Variants in FOXK2 observed in about 807,000 individuals in gnomAD.
FOXK2 encodes the protein forkhead box K2.
In FOXK2, 24 loss-of-function variants were observed where a neutral mutation model predicts 53.3. The ratio of observed to expected loss-of-function variants is 0.45; its 90% CI spans 0.33 to 0.63. FOXK2 has a LOEUF of 0.63. FOXK2 is among the 30% of genes least tolerant of loss of function. The probability of loss-of-function intolerance (pLI) is 0.03; values close to 1 mark genes in which losing one functional copy is unlikely to be tolerated. For missense variants in FOXK2, 952 were observed against 910.5 expected, an observed-to-expected ratio of 1.05 and a Z score of -0.59; for synonymous variants, 505 against 407.1, an observed-to-expected ratio of 1.24 and a Z score of -2.89.
intron 8 of FOXK2, among the ~76,000 whole-genome samples, chr17:82,589,052 T>C (rs1288189381): frequency 6.6e-6 from 1 of 152,108 alleles, no homozygotes; most frequent in Admixed American, 6.6e-5. Flanking sequence ...TGCGAGACTC[T>C]GTCTCAACAA....
chr17:82,593,412 A>T (rs1161396072), intron 8 of FOXK2: 2 of 152,472 alleles, frequency 1.3e-5, no homozygotes, highest in African/African-American at 4.8e-5. Flanking sequence ...CGATAGGCAC[A>T]GAGGAAGGTA....
chr17:82,582,750 C>A lies in FOXK2; in HGVS notation c.919C>A (p.Arg307Ser). ...TADKGWQNSI[R>S]HNLSLNRYFI... Reference sequence around the variant, plus strand: ...TTTTTATGTTTCATAGAATTCAATTCGCCACAATCTCTCTCTGAATCGTTA... The same window carrying A: ...TTTTTATGTTTCATAGAATTCAATTAGCCACAATCTCTCTCTGAATCGTTA... The change falls in exon 5 of 9, where the codon CGC becomes AGC. Residue 307 changes from arginine (R) to serine (S), a missense_variant. Arg to Ser is a moderately radical substitution (Grantham distance 110, BLOSUM62 -1). This residue lies in a region of FOXK2 where 160 missense variants were observed against 214.2 expected (regional missense o/e 0.75). Transcript: ENST00000335255. 6.3e-7 allele frequency: 1 copy of A among 1,577,878 alleles called. No homozygotes were observed. The highest frequency in any genetic ancestry group is 8.6e-7 in the Non-Finnish European group (1 of 1,166,546).
At position 82,544,792 on chromosome 17, in the gene FOXK2, C is replaced by T. The variant is rs138884835; in HGVS notation, c.420-18562C>T. ...AGGGGTGTGCAGAGTGAAGTGCTGGCGGGTGGCCGTCCTCAGTGGCTTTGG... is the reference window on the plus strand; with the variant it reads ...AGGGGTGTGCAGAGTGAAGTGCTGGTGGGTGGCCGTCCTCAGTGGCTTTGG... On this transcript the variant is annotated intron_variant, in intron 1 of 8. Transcript: ENST00000335255. Among the ~76,000 whole-genome samples the T allele has an allele frequency of 2.7e-3, 416 of 152,018 alleles. 7 individuals are homozygous for T. The highest frequency in any genetic ancestry group is 0.023 in the Admixed American group (348 of 15,256).
In FOXK2 at chr17:82,603,804, A is replaced by G. The variant is rs2045416004; in HGVS notation, c.*2305A>G. The stretch of plus-strand genomic sequence containing the variant: ...TGCCTCTCACAGATGGAAGGTGCAC[A>G]CGCTCCTGTCTCCTCCTCACTCTGC... On this transcript the variant is annotated 3_prime_UTR_variant, in exon 9 of 9. Coordinates refer to ENST00000335255, the MANE Select transcript of FOXK2 (RefSeq NM_004514.4). 6.6e-6 allele frequency: 1 copy of G among 150,934 alleles called. No homozygotes were observed. The highest frequency in any genetic ancestry group is 2.4e-5 in the African/African-American group (1 of 40,898). 9.3% of individuals were successfully genotyped at this position (150,934 alleles called of 1,614,324 possible).
chr17:82,594,369 G>A lies in FOXK2; in HGVS notation c.1787-6934G>A, dbSNP rs148089011. Among the ~76,000 whole-genome samples the A allele has an allele frequency of 9.6e-4, 146 of 152,248 alleles. 3 individuals carry two copies. In the East Asian group the frequency reaches 0.026, roughly 27 times the overall value. Reference sequence around the variant, plus strand: ...AAAAATTAGCTGGACATGGTGGCGGGCGCCTGTAGTCCCAGCTATTCGGGA... The same window carrying A: ...AAAAATTAGCTGGACATGGTGGCGGACGCCTGTAGTCCCAGCTATTCGGGA... On this transcript the variant is annotated intron_variant, in intron 8 of 8. Transcript: ENST00000335255.
chr17:82,533,032 A>C (rs1360202426), intron 1 of FOXK2, among the ~76,000 whole-genome samples: 1 of 152,082 alleles, frequency 6.6e-6, no homozygotes, highest in African/African-American at 2.4e-5. Context: ...CTACCTCCAC[A>C]TCTTGTTCCA....
At chr17:82,573,550 TCTCTCTCTCTCTCA>T (rs1279341477) in intron 4 of FOXK2, among the ~76,000 whole-genome samples, 1 of 106,266 alleles carries the variant, frequency 9.4e-6, no homozygotes, top group Non-Finnish European at 2.0e-5. Context: ...TCTCTCTCTC[TCTCTCTCTCTCTCA>T]CACACACACA....
intron 6 of FOXK2, 115 bp from the exon 7 acceptor site, chr17:82,585,789 C>T (rs1488560010): frequency 9.9e-7 from 1 of 1,011,136 alleles, no homozygotes; most frequent in Admixed American, 2.4e-5. Context: ...GAAATAGGGC[C>T]ATATCCTATA....
intron 8 of FOXK2, 159 bp from the exon 9 acceptor site, chr17:82,601,144 A>T: frequency 2.6e-6 from 2 of 764,304 alleles, no homozygotes; most frequent in Middle Eastern, 4.0e-4. Context: ...GTCTTGTGGG[A>T]GCCTCCGCGG....
At chr17:82,535,756 T>G (rs1229635196) in intron 1 of FOXK2, among the ~76,000 whole-genome samples, 14 of 151,018 alleles carry the variant, frequency 9.3e-5, no homozygotes, top group Middle Eastern at 3.4e-3. Flanking sequence ...TTGTTTTTGT[T>G]TTTTTTTTGA....
chr17:82,520,273 A>C lies in FOXK2; in HGVS notation c.385A>C (p.Arg129=). 1 of 1,268,356 alleles carries C rather than the reference A, an allele frequency of 7.9e-7. No homozygotes were observed. Among genetic ancestry groups the C allele is most frequent in the Non-Finnish European group, 1.0e-6 (1 of 1,002,664 alleles). 78.6% of individuals were successfully genotyped at this position (1,268,356 alleles called of 1,614,324 possible). The change falls in exon 1 of 9, where the codon AGG becomes CGG. Residue 129 remains arginine (R), a synonymous_variant. Transcript: ENST00000335255. The part of the protein sequence containing the change: ...NGVFVDGVFQ[R]RGAPPLQLPR... ...GGTATTCGTGGACGGCGTGTTCCAG[A>C]GGCGCGGGGCGCCGCCGCTGCAGCT...
intron 1 of FOXK2, among the ~76,000 whole-genome samples, chr17:82,524,378 A>G (rs62078082): frequency 0.039 from 5,894 of 152,310 alleles, 125 homozygotes; most frequent in Non-Finnish European, 0.044. Context: ...AAAATTTGCA[A>G]GAGTACATAA....
Position 82,603,328 on chromosome 17 carries a change from GT to G in FOXK2, c.*1832del, listed in dbSNP as rs1335033179. 2 of 152,248 alleles carry G rather than the reference GT, an allele frequency of 1.3e-5. No homozygotes were observed. The highest frequency in any genetic ancestry group is 4.8e-5 in the African/African-American group (2 of 41,454). The allele number at this position is 152,248 out of a possible 1,614,324, so 9.4% of individuals were successfully genotyped here. A position where few individuals can be genotyped will look rare whatever the true frequency, so the allele number is the denominator to read the frequency against. ...TGTCTTCTTACTCAGAAGGTTTGCA[GT>G]TTGTAAAATAATCAGGATTCTGCTC... is the stretch of plus-strand genomic sequence containing the variant. On this transcript the variant is annotated 3_prime_UTR_variant, in exon 9 of 9. Transcript: ENST00000335255.
chr17:82,552,084 T>C (rs2043522507), intron 1 of FOXK2, among the ~76,000 whole-genome samples: 1 of 152,192 alleles, frequency 6.6e-6, no homozygotes. Context: ...CCAAACACTC[T>C]CCATGTCCGC....
rs199832819 is a variant in FOXK2 at position 82,560,959 on chromosome 17, C to T, written c.420-2395C>T. ...CTGGGTCATAGGGGTCTTTGTTGGC[C>T]AGGCTAGTCTCAAATTCCTGCACTC... On this transcript the variant is annotated intron_variant, in intron 1 of 8. Transcript: ENST00000335255. Among the ~76,000 whole-genome samples, 19 of 152,220 alleles carry T rather than the reference C, an allele frequency of 1.2e-4. No individual in the cohort carries two copies. In the East Asian group the frequency reaches 3.7e-3, roughly 29 times the overall value.
At chr17:82,591,446 A>G (rs894374113) in intron 8 of FOXK2, among the ~76,000 whole-genome samples, 3 of 152,050 alleles carry the variant, frequency 2.0e-5, no homozygotes, top group Non-Finnish European at 4.4e-5. Context: ...GCTGGGGTGC[A>G]TCATGCTGCC....
At chr17:82,556,436 T>G (rs2044725107) in intron 1 of FOXK2, among the ~76,000 whole-genome samples, 1 of 146,418 alleles carries the variant, frequency 6.8e-6, no homozygotes, top group South Asian at 2.2e-4. Flanking sequence ...AGAGTGAGAC[T>G]CCGTCTAAAA....
chr17:82,533,732 C>T (rs1441187137), intron 1 of FOXK2, among the ~76,000 whole-genome samples: 1 of 151,918 alleles, frequency 6.6e-6, no homozygotes, highest in Non-Finnish European at 1.5e-5. Context: ...ATATATGCGG[C>T]CCATCATTGA....
chr17:82,589,178 C>G (rs1313894898), intron 8 of FOXK2, among the ~76,000 whole-genome samples: 1 of 152,024 alleles, frequency 6.6e-6, no homozygotes, highest in Non-Finnish European at 1.5e-5. Flanking sequence ...TAAAATAAAG[C>G]TTTTACGGGA....
Sources: gnomAD v4.1 joint callset for allele counts (sites outside exome capture counted in the v4.1 genomes callset) on GRCh38, gnomAD v4.1.1 for gene constraint, gnomAD v4.1.1 regional missense constraint, MANE v1.5 for transcripts, NCBI Gene and HGNC (gene_info 2026-07-23, HGNC 2026-07-21) for gene names.